The following CHRM3 variants were observed in gnomAD, a reference collection of about 807,000 sequenced individuals.
CHRM3 encodes cholinergic receptor muscarinic 3, also known as muscarinic acetylcholine receptor M3.
Under a neutral mutation model 41.8 loss-of-function variants are expected in CHRM3, and 11 were observed. The observed-to-expected ratio is 0.26, with a 90% CI of 0.17 to 0.44. CHRM3 has a LOEUF of 0.44. CHRM3 is among the 20% of genes least tolerant of loss of function. CHRM3 has a pLI of 1.00. For synonymous variants in CHRM3, 297 were observed against 301.4 expected (o/e 0.99, Z 0.15); for missense variants, 571 against 745.4 (o/e 0.77, Z 2.72).
chr1:239,404,402 AAGAAAGAAAAAGAAAGAAAG>A (rs1558195553), intron 1 of CHRM3, among the ~76,000 whole-genome samples: 149 of 64,642 alleles, frequency 2.3e-3, no homozygotes, highest in Middle Eastern at 6.8e-3. Flanking sequence ...GAAAGAAAGA[AAGAAAGAAAAAGAAAGAAAG>A]AAAGAAAGAA....
At chr1:239,767,796 T>G (rs1667340087) in intron 5 of CHRM3, among the ~76,000 whole-genome samples, 1 of 152,208 alleles carries the variant, frequency 6.6e-6, no homozygotes, top group Admixed American at 6.5e-5. Flanking sequence ...TGGATCTACC[T>G]GGTTTTCCAA....
At chr1:239,563,077 A>G (rs1661034037) in intron 3 of CHRM3, among the ~76,000 whole-genome samples, 1 of 152,146 alleles carries the variant, frequency 6.6e-6, no homozygotes, top group Non-Finnish European at 1.5e-5. Context: ...TATAATCATT[A>G]TTATAATTCA....
intron 5 of CHRM3, among the ~76,000 whole-genome samples, chr1:239,812,161 T>C (rs992603111): frequency 2.0e-5 from 3 of 152,156 alleles, no homozygotes; most frequent in African/African-American, 7.2e-5. Context: ...CACCTCAGCC[T>C]CCCGAGTAGC....
chr1:239,735,750 A>G (rs1664341174), intron 5 of CHRM3, among the ~76,000 whole-genome samples: 2 of 152,120 alleles, frequency 1.3e-5, no homozygotes, highest in Non-Finnish European at 2.9e-5. Flanking sequence ...ACCTGGAGAA[A>G]AATCTTCCCT....
At chr1:239,768,503 G>GCAGAGC (rs56930927) in intron 5 of CHRM3, among the ~76,000 whole-genome samples, 3 of 152,072 alleles carry the variant, frequency 2.0e-5, no homozygotes, top group African/African-American at 7.2e-5. Flanking sequence ...TAAACATGGT[G>GCAGAGC]AAAATTAAAT....
chr1:239,700,112 A>G (rs1289959518), intron 5 of CHRM3, among the ~76,000 whole-genome samples: 1 of 152,134 alleles, frequency 6.6e-6, no homozygotes, highest in Non-Finnish European at 1.5e-5. Context: ...AGATCCTCAT[A>G]AAAGAAATAC....
At chr1:239,696,849 A>G (rs985146083) in intron 5 of CHRM3, among the ~76,000 whole-genome samples, 1 of 152,240 alleles carries the variant, frequency 6.6e-6, no homozygotes, top group Non-Finnish European at 1.5e-5. Context: ...ACCAGCAGTC[A>G]TCTAAATAAA....
chr1:239,896,323 C>A (rs1679002346), intron 6 of CHRM3, among the ~76,000 whole-genome samples: 1 of 152,228 alleles, frequency 6.6e-6, no homozygotes, highest in South Asian at 2.1e-4. Context: ...AGCTAATCAT[C>A]TATACTGCTC....
intron 4 of CHRM3, among the ~76,000 whole-genome samples, chr1:239,635,478 C>T (rs1670365275): frequency 2.0e-5 from 3 of 152,152 alleles, no homozygotes; most frequent in African/African-American, 7.2e-5. Flanking sequence ...GGCACTGATC[C>T]CCTGGCTCTT....
Position 239,532,406 on chromosome 1 carries a change from T to C in CHRM3, c.-421-13235T>C, listed in dbSNP as rs1479544269. Among the ~76,000 whole-genome samples, 5 of 149,554 alleles carry C rather than the reference T, an allele frequency of 3.3e-5. 1 individual carries two copies. The highest frequency in any genetic ancestry group is 1.2e-4 in the African/African-American group (5 of 40,958). On this transcript the variant is annotated intron_variant, in intron 2 of 6. Transcript: ENST00000676153. ...ACTTCAGGAGGCCGAGGTGGGTGGA[T>C]CACGAGGTCAACAGATCGAGACCAT...
At chr1:239,613,500 C>A (rs563556830) in intron 3 of CHRM3, among the ~76,000 whole-genome samples, 1 of 152,164 alleles carries the variant, frequency 6.6e-6, no homozygotes, top group Non-Finnish European at 1.5e-5. Flanking sequence ...TCAAGTACCA[C>A]ATAATGAAGC....
Position 239,844,848 on chromosome 1 carries a change from A to T in CHRM3, c.-20+17470A>T, listed in dbSNP as rs76323178. Among the ~76,000 whole-genome samples the T allele has an allele frequency of 5.6e-3, 850 of 152,246 alleles. 1 individual carries two copies. The highest frequency in any genetic ancestry group is 8.8e-3 in the Non-Finnish European group (598 of 68,002). On this transcript the variant is annotated intron_variant, in intron 6 of 6. Transcript: ENST00000676153. ...CTTTAAAGCCCAGGCTCCCAACCCA[A>T]ACACTGATATTCATTTTGATAACTG...
At chr1:239,894,643 G>A (rs1296606278) in intron 6 of CHRM3, among the ~76,000 whole-genome samples, 1 of 151,630 alleles carries the variant, frequency 6.6e-6, no homozygotes, top group African/African-American at 2.4e-5. Context: ...ATGTTATCCA[G>A]GCTGGTCTCG....
intron 3 of CHRM3, among the ~76,000 whole-genome samples, chr1:239,616,146 G>GC: frequency 6.6e-6 from 1 of 152,294 alleles, no homozygotes; most frequent in Non-Finnish European, 1.5e-5. Context: ...ATTGTGATCT[G>GC]CAAGTTGAAC....
intron 1 of CHRM3, among the ~76,000 whole-genome samples, chr1:239,472,351 C>T (rs561236237): frequency 2.0e-5 from 3 of 152,206 alleles, no homozygotes; most frequent in East Asian, 1.9e-4. Flanking sequence ...ATTGTACATT[C>T]GGTGATTCCT....
chr1:239,622,361 T>C (rs1177093813), intron 3 of CHRM3, among the ~76,000 whole-genome samples: 26 of 152,184 alleles, frequency 1.7e-4, no homozygotes, highest in Admixed American at 5.9e-4. Flanking sequence ...CATAAAGCTA[T>C]AGCTGCCATA....
intron 3 of CHRM3, among the ~76,000 whole-genome samples, chr1:239,584,799 C>T (rs754966113): frequency 1.3e-5 from 2 of 152,108 alleles, no homozygotes; most frequent in Non-Finnish European, 2.9e-5. Context: ...TTCTAATTTC[C>T]TTCCAAAGCC....
At chr1:239,439,409 G>C (rs914096168) in intron 1 of CHRM3, among the ~76,000 whole-genome samples, 1 of 152,116 alleles carries the variant, frequency 6.6e-6, no homozygotes, top group Admixed American at 6.5e-5. Flanking sequence ...ATTGGAATTC[G>C]TGATATTTCC....
intron 5 of CHRM3, among the ~76,000 whole-genome samples, chr1:239,771,214 C>T (rs1409878415): frequency 6.6e-6 from 1 of 152,106 alleles, no homozygotes; most frequent in Non-Finnish European, 1.5e-5. Flanking sequence ...TGTTAGCCGC[C>T]CTCTCCCTTC....
Sources: gnomAD v4.1 joint callset for allele counts (sites outside exome capture counted in the v4.1 genomes callset) on GRCh38, gnomAD v4.1.1 for gene constraint, MANE v1.5 for transcripts, NCBI Gene and HGNC (gene_info 2026-07-23, HGNC 2026-07-21) for gene names.